Variants in SHISA9 observed in about 807,000 individuals in gnomAD.
The protein encoded by SHISA9 is protein shisa-9.
SHISA9 carries 13 observed loss-of-function variants against 38.0 expected under a neutral mutation model. The observed-to-expected ratio is 0.34, with a 90% CI of 0.22 to 0.54. SHISA9 has a LOEUF of 0.54. Ranked by LOEUF, SHISA9 falls within the 20% of genes least tolerant of loss-of-function variation. The pLI is 0.91. For missense variants in SHISA9, 538 were observed against 575.8 expected, an observed-to-expected ratio of 0.93 and a Z score of 0.67; for synonymous variants, 275 against 242.0, an observed-to-expected ratio of 1.14 and a Z score of -1.27.
At chr16:12,962,855 C>A (rs2071929206) in intron 2 of SHISA9, among the ~76,000 whole-genome samples, 1 of 152,196 alleles carries the variant, frequency 6.6e-6, no homozygotes, top group South Asian at 2.1e-4. Flanking sequence ...TCTTGTTGGG[C>A]CTGACCAGGG....
At chr16:13,091,586 C>T (rs1023956804) in intron 2 of SHISA9, among the ~76,000 whole-genome samples, 5 of 152,122 alleles carry the variant, frequency 3.3e-5, no homozygotes, top group Non-Finnish European at 7.3e-5. Flanking sequence ...TCCACTTGAT[C>T]GAATCAGCTA....
At position 13,137,482 on chromosome 16, in the gene SHISA9, A is replaced by G. The variant is rs77535043; in HGVS notation, c.692-65912A>G. ...TTTTATTTTTTTTTTTTTGAGACAG[A>G]GTCTCAATCTGTTACCAGGCTGGAG... On this transcript the variant is annotated intron_variant, in intron 2 of 4. Coordinates refer to ENST00000558583, the MANE Select transcript of SHISA9 (RefSeq NM_001145204.3). Among the ~76,000 whole-genome samples, 5 of 151,470 alleles carry G rather than the reference A, an allele frequency of 3.3e-5. No homozygotes were observed. In the East Asian group the frequency reaches 9.7e-4, roughly 29 times the overall value.
intron 2 of SHISA9, among the ~76,000 whole-genome samples, chr16:12,969,097 C>T (rs994765671): frequency 2.1e-4 from 32 of 149,796 alleles, no homozygotes; most frequent in African/African-American, 7.4e-4. Context: ...GCAAAGGTTA[C>T]AGTGAGCTGA....
At chr16:13,133,382 A>C (rs544836800) in intron 2 of SHISA9, among the ~76,000 whole-genome samples, 3 of 152,326 alleles carry the variant, frequency 2.0e-5, no homozygotes, top group Admixed American at 1.3e-4. Context: ...TCTTGAAAAA[A>C]GTAATAGTTT....
the SHISA9 span, among the ~76,000 whole-genome samples, chr16:13,355,809 G>C: frequency 6.6e-6 from 1 of 152,206 alleles, no homozygotes; most frequent in Non-Finnish European, 1.5e-5. Flanking sequence ...GGGCTTCCGA[G>C]GCGATCGGGC....
intron 2 of SHISA9, among the ~76,000 whole-genome samples, chr16:12,997,293 G>A (rs1158212624): frequency 6.6e-6 from 1 of 151,506 alleles, no homozygotes; most frequent in Admixed American, 6.6e-5. Flanking sequence ...CCATGTTGCT[G>A]TTTGTCTTGG....
chr16:13,093,807 G>A lies in SHISA9; in HGVS notation c.692-109587G>A, dbSNP rs2073799253. Among the ~76,000 whole-genome samples, 4 of 152,248 alleles carry A rather than the reference G, an allele frequency of 2.6e-5. 1 individual carries two copies. In the South Asian group the frequency reaches 6.2e-4, roughly 24 times the overall value. The stretch of plus-strand genomic sequence containing the variant: ...TCTAAGTACACCACACAGCACTGCG[G>A]GGCCTATAAATAGTGACAGGGCAAA... On this transcript the variant is annotated intron_variant, in intron 2 of 4. Transcript: ENST00000558583.
chr16:13,399,271 G>T, the SHISA9 span, among the ~76,000 whole-genome samples: 1 of 151,532 alleles, frequency 6.6e-6, no homozygotes, highest in Non-Finnish European at 1.5e-5. Context: ...AAAAAAAGAA[G>T]CTAGAAAGAC....
At chr16:13,299,671 C>G in the SHISA9 span, among the ~76,000 whole-genome samples, 2 of 151,694 alleles carry the variant, frequency 1.3e-5, no homozygotes, top group African/African-American at 4.8e-5. Flanking sequence ...AGAGATTGCA[C>G]CCCTGCACTT....
intron 2 of SHISA9, among the ~76,000 whole-genome samples, chr16:13,126,633 G>A (rs1316902987): frequency 1.3e-5 from 2 of 148,756 alleles, no homozygotes; most frequent in Non-Finnish European, 3.0e-5. Flanking sequence ...CAGAGGGGTG[G>A]GGAGAGAGAG....
chr16:12,953,703 T>A (rs1172341683), intron 2 of SHISA9, among the ~76,000 whole-genome samples: 1 of 152,170 alleles, frequency 6.6e-6, no homozygotes, highest in African/African-American at 2.4e-5. Flanking sequence ...GGGAATATAT[T>A]AATTCATTCT....
the SHISA9 span, among the ~76,000 whole-genome samples, chr16:13,286,873 A>AT: frequency 1.6e-4 from 25 of 152,130 alleles, no homozygotes; most frequent in Admixed American, 1.2e-3. Context: ...GCTGTGGGGA[A>AT]TTTTTTTGTT....
At chr16:13,484,261 C>T in the SHISA9 span, among the ~76,000 whole-genome samples, 1 of 152,142 alleles carries the variant, frequency 6.6e-6, no homozygotes, top group African/African-American at 2.4e-5. Flanking sequence ...GAGAGTTTTT[C>T]CGAAACAAGT....
At chr16:13,060,693 C>A (rs1405832814) in intron 2 of SHISA9, among the ~76,000 whole-genome samples, 1 of 147,126 alleles carries the variant, frequency 6.8e-6, no homozygotes, top group Non-Finnish European at 1.5e-5. Flanking sequence ...AAGGTGGAAG[C>A]AATGATGTGG....
intron 3 of SHISA9, among the ~76,000 whole-genome samples, chr16:13,211,653 G>A (rs536657670): frequency 9.6e-4 from 146 of 152,212 alleles, no homozygotes; most frequent in African/African-American, 3.3e-3. Context: ...TAAATGTTCC[G>A]TAGCCTATAC....
intron 1 of SHISA9, among the ~76,000 whole-genome samples, chr16:12,907,139 TTCCC>T (rs59454130): frequency 5.9e-4 from 38 of 64,662 alleles, no homozygotes; most frequent in African/African-American, 2.6e-3. Context: ...TTTTCTTCCT[TTCCC>T]TCCCTCCCTC....
chr16:12,977,513 G>A (rs764057245), intron 2 of SHISA9, among the ~76,000 whole-genome samples: 11 of 152,058 alleles, frequency 7.2e-5, no homozygotes, highest in South Asian at 4.1e-4. Context: ...AGATATATGC[G>A]CGTGTATGTT....
Position 12,970,392 on chromosome 16 carries a change from T to TATATATATACAC in SHISA9, c.691+53586_691+53587insCACATATATATA, listed in dbSNP as rs1567357003. 1.7e-3 allele frequency among the ~76,000 whole-genome samples: 16 copies of TATATATATACAC among 9,650 alleles called. 1 individual carries two copies. Among genetic ancestry groups the TATATATATACAC allele is most frequent in the African/African-American group, 4.6e-3 (15 of 3,266 alleles). 6.3% of individuals were successfully genotyped at this position (9,650 alleles called of 152,430 possible). A position where few individuals can be genotyped will look rare whatever the true frequency, so the allele number is the denominator to read the frequency against. On this transcript the variant is annotated intron_variant, in intron 2 of 4. Transcript: ENST00000558583. ...ATACATATATATATACATATATGTA[T>TATATATATACAC]ATATATATATACATATATATATATA...
chr16:13,160,607 A>C (rs1051032355), intron 2 of SHISA9, among the ~76,000 whole-genome samples: 1 of 152,210 alleles, frequency 6.6e-6, no homozygotes, highest in African/African-American at 2.4e-5. Context: ...CAGGAAGTGC[A>C]AACCTAAGTA....
Sources: allele counts gnomAD v4.1 joint callset (sites outside exome capture counted in the v4.1 genomes callset), GRCh38; gene constraint gnomAD v4.1.1; transcripts MANE v1.5; gene names NCBI Gene and HGNC (gene_info 2026-07-23, HGNC 2026-07-21).